The following METTL15 variants were observed in gnomAD, a reference collection of about 807,000 sequenced individuals.
METTL15 encodes the protein 12S rRNA N(4)-cytidine methyltransferase METTL15.
A neutral mutation model predicts 38.3 loss-of-function variants in METTL15; 34 were observed. The observed-to-expected ratio is 0.89, with a 90% CI of 0.68 to 1.18. The LOEUF is 1.18. Ranked by LOEUF, METTL15 falls within the 50% of genes most tolerant of loss-of-function variation. The pLI is 0.00. For synonymous variants in METTL15, 162 were observed against 170.9 expected (o/e 0.95, Z 0.41); for missense variants, 438 against 498.4 (o/e 0.88, Z 1.15).
intron 5 of METTL15, among the ~76,000 whole-genome samples, chr11:28,420,116 G>T (rs1850807102): frequency 6.6e-6 from 1 of 152,096 alleles, no homozygotes; most frequent in South Asian, 2.1e-4. Flanking sequence ...TATTTAAAGA[G>T]ATACTAACAG....
chr11:28,447,040 G>A (rs1296264516), intron 6 of METTL15, among the ~76,000 whole-genome samples: 1 of 138,728 alleles, frequency 7.2e-6, no homozygotes, highest in Non-Finnish European at 1.6e-5. Flanking sequence ...AATATAAAAA[G>A]AGCACAAAAG....
At chr11:28,274,670 A>G (rs2133962801) in intron 4 of METTL15, among the ~76,000 whole-genome samples, 1 of 152,162 alleles carries the variant, frequency 6.6e-6, no homozygotes, top group South Asian at 2.1e-4. Context: ...TTATTTGAAT[A>G]GCACTGCTGA....
chr11:28,472,463 A>T (rs932246139), intron 6 of METTL15, among the ~76,000 whole-genome samples: 18 of 152,140 alleles, frequency 1.2e-4, no homozygotes, highest in African/African-American at 3.9e-4. Context: ...AGGGCTAGGG[A>T]AGTTATCTGG....
At chr11:28,173,416 C>T (rs1390330945) in intron 3 of METTL15, among the ~76,000 whole-genome samples, 4 of 152,206 alleles carry the variant, frequency 2.6e-5, no homozygotes, top group Non-Finnish European at 5.9e-5. Flanking sequence ...CTTCACCAGA[C>T]ATCAAATCTG....
intron 3 of METTL15, among the ~76,000 whole-genome samples, chr11:28,135,393 A>G (rs905511618): frequency 1.3e-5 from 2 of 152,164 alleles, no homozygotes; most frequent in Non-Finnish European, 2.9e-5. Flanking sequence ...TCAAATACCT[A>G]TGAGTTGGGT....
rs756117064 is a variant in METTL15 at position 28,233,145 on chromosome 11, G to A, written c.407+21947G>A. Among the ~76,000 whole-genome samples, 14 of 151,888 alleles carry A rather than the reference G, an allele frequency of 9.2e-5. No homozygotes were observed. The South Asian group carries it at 1.0e-3, about 11-fold the overall frequency. On this transcript the variant is annotated intron_variant, in intron 4 of 6. Coordinates refer to ENST00000407364, the MANE Select transcript of METTL15 (RefSeq NM_001113528.2). ...TTTGAGTGGCTTAAAATGTACATTT[G>A]TATTCTTAAATGCAGTGACTATAAA...
At chr11:28,344,804 G>A (rs2133356895) in intron 3 of METTL15, among the ~76,000 whole-genome samples, 1 of 152,250 alleles carries the variant, frequency 6.6e-6, no homozygotes, top group Non-Finnish European at 1.5e-5. Context: ...GACTAGTGCT[G>A]TCTAATATAA....
At chr11:28,433,076 T>C (rs550264684) in intron 6 of METTL15, among the ~76,000 whole-genome samples, 2 of 152,234 alleles carry the variant, frequency 1.3e-5, no homozygotes, top group African/African-American at 2.4e-5. Context: ...CCTGAACACA[T>C]TGAGGAACTG....
rs1849843555 is a variant in METTL15 at position 28,332,509 on chromosome 11, T to C, written c.*1668T>C. ...TTAAATAGAAACTGAATGTACTGGGTTGAATGGTGTCCTCTCCAAAATTCA... is the reference window on the plus strand; with the variant it reads ...TTAAATAGAAACTGAATGTACTGGGCTGAATGGTGTCCTCTCCAAAATTCA... On this transcript the variant is annotated 3_prime_UTR_variant, in exon 7 of 7. Transcript: ENST00000407364. 1 of 151,204 alleles carries C rather than the reference T, an allele frequency of 6.6e-6. No individual in the cohort carries two copies. Among genetic ancestry groups the C allele is most frequent in the African/African-American group, 2.4e-5 (1 of 40,828 alleles). The allele number at this position is 151,204 out of a possible 1,614,324, so 9.4% of individuals were successfully genotyped here.
intron 6 of METTL15, among the ~76,000 whole-genome samples, chr11:28,523,907 C>T (rs1443288059): frequency 3.9e-5 from 6 of 152,084 alleles, no homozygotes; most frequent in Admixed American, 2.0e-4. Flanking sequence ...TTTTGTTTGT[C>T]GTGACTAAGG....
At chr11:28,355,237 G>A (rs1318052134) in intron 4 of METTL15, among the ~76,000 whole-genome samples, 2 of 152,200 alleles carry the variant, frequency 1.3e-5, no homozygotes, top group Admixed American at 6.5e-5. Flanking sequence ...GTATCCCTAT[G>A]TCACTGTTCT....
At chr11:28,267,835 A>C (rs1333436601) in intron 4 of METTL15, among the ~76,000 whole-genome samples, 1 of 152,242 alleles carries the variant, frequency 6.6e-6, no homozygotes, top group African/African-American at 2.4e-5. Context: ...AGGGAAAAGA[A>C]TAATGCATGT....
At chr11:28,205,300 C>A (rs1362194635) in intron 3 of METTL15, among the ~76,000 whole-genome samples, 3 of 145,776 alleles carry the variant, frequency 2.1e-5, no homozygotes, top group South Asian at 2.3e-4. Flanking sequence ...TGTTCCCCTT[C>A]CTGTGTCCAT....
intron 3 of METTL15, among the ~76,000 whole-genome samples, chr11:28,153,227 C>G (rs891921383): frequency 6.6e-6 from 1 of 151,992 alleles, no homozygotes; most frequent in Non-Finnish European, 1.5e-5. Context: ...CCTTATTTTA[C>G]CCAGCTCCTA....
chr11:28,530,380 T>C (rs1353428717), downstream of METTL15, among the ~76,000 whole-genome samples: 1 of 152,194 alleles, frequency 6.6e-6, no homozygotes, highest in Non-Finnish European at 1.5e-5. Context: ...CATTAAAGGC[T>C]GAATGCAGAG....
chr11:28,218,515 T>A (rs1179751064), intron 4 of METTL15, among the ~76,000 whole-genome samples: 1 of 152,164 alleles, frequency 6.6e-6, no homozygotes, highest in African/African-American at 2.4e-5. Flanking sequence ...CAGGAACAAT[T>A]TGACTTCCTG....
chr11:28,268,874 C>G (rs1246239718), intron 4 of METTL15, among the ~76,000 whole-genome samples: 1 of 152,048 alleles, frequency 6.6e-6, no homozygotes, highest in Non-Finnish European at 1.5e-5. Flanking sequence ...CACATTTGTA[C>G]TAACAGTGGA....
At chr11:28,389,624 T>G (rs983188062) in intron 5 of METTL15, among the ~76,000 whole-genome samples, 1 of 151,982 alleles carries the variant, frequency 6.6e-6, no homozygotes, top group Non-Finnish European at 1.5e-5. Flanking sequence ...CTTAATCCAG[T>G]CTATCATTGT....
At chr11:28,532,367 G>A in the METTL15 span, among the ~76,000 whole-genome samples, 55 of 152,146 alleles carry the variant, frequency 3.6e-4, no homozygotes, top group African/African-American at 1.3e-3. Context: ...ATTTTTCCCT[G>A]AATTTGGAAA....
Sources: gnomAD v4.1 joint callset for allele counts (sites outside exome capture counted in the v4.1 genomes callset) on GRCh38, gnomAD v4.1.1 for gene constraint, MANE v1.5 for transcripts, NCBI Gene and HGNC (gene_info 2026-07-23, HGNC 2026-07-21) for gene names.